Variants in RAPGEF2 observed in about 807,000 individuals in gnomAD.
RAPGEF2 encodes Rap guanine nucleotide exchange factor 2.
In RAPGEF2, 54 loss-of-function variants were observed where a neutral mutation model predicts 186.7. That is an observed-to-expected ratio of 0.29 (90% confidence interval 0.23 to 0.36). The LOEUF is 0.36. Ranked by LOEUF, RAPGEF2 falls within the 10% of genes least tolerant of loss-of-function variation. The pLI is 1.00. For synonymous variants in RAPGEF2, 712 were observed against 705.9 expected (o/e 1.01, Z -0.14); for missense variants, 1,532 against 2,045.0 (o/e 0.75, Z 4.84).
chr4:159,343,263 C>T lies in RAPGEF2; in HGVS notation c.3131-18C>T. On this transcript the variant is annotated intron_variant, in intron 21 of 29. Transcript: ENST00000691494. Reference sequence around the variant, plus strand: ...ATAAATGCCATGTGATTTCCTTTTCCTCCTCTGTCAATTTCAGGAAATGAC... The same window carrying T: ...ATAAATGCCATGTGATTTCCTTTTCTTCCTCTGTCAATTTCAGGAAATGAC... 10 of 1,613,962 alleles carry T rather than the reference C, an allele frequency of 6.2e-6. No homozygotes were observed. Among genetic ancestry groups the T allele is most frequent in the Non-Finnish European group, 8.5e-6 (10 of 1,179,910 alleles).
chr4:159,240,807 GTTTTTTTTTT>G (rs373635263), intron 5 of RAPGEF2, among the ~76,000 whole-genome samples: 1 of 132,976 alleles, frequency 7.5e-6, no homozygotes, highest in Non-Finnish European at 1.6e-5. Flanking sequence ...TTCCATCAGG[GTTTTTTTTTT>G]TTTTTTTTTC....
intron 7 of RAPGEF2, among the ~76,000 whole-genome samples, chr4:159,286,127 A>G (rs1029871632): frequency 6.7e-6 from 1 of 148,978 alleles, no homozygotes; most frequent in Non-Finnish European, 1.5e-5. Flanking sequence ...TCAACAAACT[A>G]TTAGAGTCCC....
chr4:159,104,541 A>G (rs1390152178), intron 1 of RAPGEF2, among the ~76,000 whole-genome samples: 28 of 126,532 alleles, frequency 2.2e-4, no homozygotes, highest in African/African-American at 8.8e-4. Context: ...AGACAGAGAG[A>G]GAGAGAGAGA....
chr4:159,127,426 T>C (rs1262672743), intron 1 of RAPGEF2, among the ~76,000 whole-genome samples: 1 of 152,204 alleles, frequency 6.6e-6, no homozygotes, highest in Non-Finnish European at 1.5e-5. Flanking sequence ...ATTTCCTCCC[T>C]TTTTACCTGT....
intron 28 of RAPGEF2, 86 bp downstream of exon 28, chr4:159,354,132 G>C: frequency 2.2e-6 from 3 of 1,344,442 alleles, no homozygotes; most frequent in Non-Finnish European, 1.0e-6. Flanking sequence ...TGTGTTTGTT[G>C]GTTCTTTTCC....
intron 12 of RAPGEF2, 97 bp downstream of exon 12, chr4:159,330,107 C>G: frequency 4.7e-6 from 6 of 1,267,804 alleles, no homozygotes; most frequent in South Asian, 1.5e-5. Context: ...AGGCCTATCT[C>G]TTAAAGGTTA....
intron 1 of RAPGEF2, among the ~76,000 whole-genome samples, chr4:159,138,760 T>G (rs965491714): frequency 6.6e-6 from 1 of 152,218 alleles, no homozygotes; most frequent in Non-Finnish European, 1.5e-5. Context: ...TTAAAGCATA[T>G]TTTTGTCTAC....
intron 1 of RAPGEF2, among the ~76,000 whole-genome samples, chr4:159,129,404 A>G (rs1010966835): frequency 6.6e-6 from 1 of 152,148 alleles, no homozygotes; most frequent in Admixed American, 6.5e-5. Context: ...TTTTATGTTT[A>G]GGGAGCACAT....
At chr4:159,338,804 ATACAG>A (rs1016248651) in intron 18 of RAPGEF2, among the ~76,000 whole-genome samples, 44 of 152,316 alleles carry the variant, frequency 2.9e-4, no homozygotes, top group African/African-American at 9.6e-4. Flanking sequence ...GGACTTTTCA[ATACAG>A]TAAAGATTAA....
chr4:159,224,837 G>T (rs1751865937), intron 4 of RAPGEF2, among the ~76,000 whole-genome samples: 1 of 152,138 alleles, frequency 6.6e-6, no homozygotes, highest in Admixed American at 6.6e-5. Context: ...CATGGAAAAA[G>T]AAGTTGATGG....
intron 3 of RAPGEF2, among the ~76,000 whole-genome samples, chr4:159,196,444 G>A (rs2111325838): frequency 6.6e-6 from 1 of 152,310 alleles, no homozygotes; most frequent in South Asian, 2.1e-4. Context: ...TTATGACCAA[G>A]AAATGAGTAG....
chr4:159,130,294 C>T (rs1204297737), intron 1 of RAPGEF2, among the ~76,000 whole-genome samples: 3 of 149,738 alleles, frequency 2.0e-5, no homozygotes, highest in African/African-American at 7.7e-5. Context: ...GAATGTCTAA[C>T]CTCCTGGGAA....
intron 7 of RAPGEF2, among the ~76,000 whole-genome samples, chr4:159,249,462 C>A (rs576751754): frequency 1.3e-5 from 2 of 151,940 alleles, no homozygotes; most frequent in South Asian, 4.1e-4. Context: ...CATTATTAAC[C>A]TGAAATGCCT....
rs920996535 is a variant in RAPGEF2 at position 159,343,181 on chromosome 4, C to T, written c.3121C>T (p.Leu1041Phe). The T allele has an allele frequency of 6.2e-7, 1 of 1,613,972 alleles. No homozygotes were observed. Among genetic ancestry groups the T allele is most frequent in the East Asian group, 2.2e-5 (1 of 44,890 alleles). Reference protein sequence around the residue: ...FPVIKKDLTFLHEGNDSKVDG... With the variant: ...FPVIKKDLTFFHEGNDSKVDG... The stretch of plus-strand genomic sequence containing the variant: ...AGTTATCAAAAAGGATCTCACCTTC[C>T]TTCACGAAGGTAAACATAAGGCAGA... Residue 1041 changes from leucine to phenylalanine, a missense_variant, in exon 21 of 30, where the codon CTT becomes TTT. This residue lies in a region of RAPGEF2 where 117 missense variants were observed against 180.8 expected (regional missense o/e 0.65). Coordinates refer to ENST00000691494, the MANE Select transcript of RAPGEF2 (RefSeq NM_001394067.2).
At position 159,353,530 on chromosome 4, in the gene RAPGEF2, G is replaced by A. The variant is rs773881571; in HGVS notation, c.4135G>A (p.Ala1379Thr). 1 of 1,534,276 alleles carries A rather than the reference G, an allele frequency of 6.5e-7. No homozygotes were observed. Among genetic ancestry groups the A allele is most frequent in the Non-Finnish European group, 8.7e-7 (1 of 1,144,032 alleles). Residue 1379 changes from alanine to threonine, a missense_variant, in exon 28 of 30, where the codon GCT (alanine) becomes ACT (threonine). Around this residue, in one of 4 missense-constraint regions of RAPGEF2, gnomAD observed 594 missense variants for 608.5 expected, o/e 0.98. Coordinates refer to ENST00000691494, the MANE Select transcript of RAPGEF2 (RefSeq NM_001394067.2). The surrounding 1 kb of genome is among the most constrained non-coding windows in gnomAD (Gnocchi z 4.3). ...CGAGGGCCGAGGCTTATATGCTACA[G>A]CTACAGTAATTTCTTCTCCAAGCAC... ...MSEGRGLYAT[A>T]TVISSPSTEE... is the part of the protein sequence containing the mutation.
chr4:159,169,282 C>T (rs1267831105), intron 1 of RAPGEF2, among the ~76,000 whole-genome samples: 1 of 152,166 alleles, frequency 6.6e-6, no homozygotes, highest in Admixed American at 6.6e-5. Flanking sequence ...AATTACACGT[C>T]AAATTCTGCT....
intron 7 of RAPGEF2, among the ~76,000 whole-genome samples, chr4:159,304,075 T>C (rs1762995134): frequency 6.6e-6 from 1 of 152,180 alleles, no homozygotes; most frequent in African/African-American, 2.4e-5. Flanking sequence ...CTAAATTAAA[T>C]ACCCAAGTTT....
chr4:159,132,882 GTT>G (rs199633780), intron 1 of RAPGEF2, among the ~76,000 whole-genome samples: 2 of 140,436 alleles, frequency 1.4e-5, no homozygotes, highest in Non-Finnish European at 3.1e-5. Flanking sequence ...TATATACTTA[GTT>G]TTTTTTTTTT....
intron 9 of RAPGEF2, among the ~76,000 whole-genome samples, chr4:159,321,342 G>A (rs574913210): frequency 3.3e-5 from 5 of 151,908 alleles, no homozygotes; most frequent in Non-Finnish European, 5.9e-5. Context: ...GAGTAGCTAG[G>A]ACTATAGGTA....
Sources: gnomAD v4.1 joint callset for allele counts (sites outside exome capture counted in the v4.1 genomes callset) on GRCh38, gnomAD v4.1.1 for gene constraint, gnomAD v4.1.1 regional missense constraint, Gnocchi (gnomAD v3.1) non-coding constraint, MANE v1.5 for transcripts, NCBI Gene and HGNC (gene_info 2026-07-23, HGNC 2026-07-21) for gene names.